Variants in POC1A observed in about 807,000 individuals in gnomAD.
POC1A encodes POC1 centriolar protein homolog A.
POC1A carries 34 observed loss-of-function variants against 47.8 expected under a neutral mutation model. That is an observed-to-expected ratio of 0.71 (90% CI 0.54 to 0.95). POC1A has a LOEUF of 0.95. Among genes scored for constraint, POC1A ranks in the 40% least tolerant of loss-of-function variants. The pLI, the probability that POC1A is intolerant of heterozygous loss-of-function variation, is 0.00. For missense variants in POC1A, 466 were observed against 528.3 expected (o/e 0.88, Z 1.16); for synonymous variants, 177 against 207.6 (o/e 0.85, Z 1.27).
intron 9 of POC1A, among the ~76,000 whole-genome samples, chr3:52,098,742 C>T (rs1294212235): frequency 6.6e-6 from 1 of 152,208 alleles, no homozygotes; most frequent in African/African-American, 2.4e-5. Context: ...CATCAGAAAA[C>T]ACCACAGCAC....
rs189819311 is a variant in POC1A at position 52,151,221 on chromosome 3, T to C, written c.19-121A>G. Reference sequence around the variant, plus strand: ...TAAAAATGCTCAAGGCATGATCTTATATAAAGAAAATCCTAAGGAATCCAC... The same window carrying C: ...TAAAAATGCTCAAGGCATGATCTTACATAAAGAAAATCCTAAGGAATCCAC... On this transcript the variant is annotated intron_variant, in intron 1 of 10. Coordinates refer to ENST00000296484, the MANE Select transcript of POC1A (RefSeq NM_015426.5). 606 of 1,434,592 alleles carry C rather than the reference T, an allele frequency of 4.2e-4. 2 individuals carry two copies. The African/African-American group carries it at 4.4e-3, about 10-fold the overall frequency. 88.9% of individuals were successfully genotyped at this position (1,434,592 alleles called of 1,614,324 possible).
chr3:52,123,256 C>T (rs752407434), intron 8 of POC1A, among the ~76,000 whole-genome samples: 4 of 152,232 alleles, frequency 2.6e-5, no homozygotes, highest in Admixed American at 1.3e-4. Flanking sequence ...CCATGTCCCT[C>T]GGTTCCTTGA....
At chr3:52,103,963 A>G (rs756478492) in intron 9 of POC1A, among the ~76,000 whole-genome samples, 2 of 152,240 alleles carry the variant, frequency 1.3e-5, no homozygotes, top group Non-Finnish European at 2.9e-5. Context: ...TACACCTATT[A>G]TATGTCCCAG....
At chr3:52,095,592 C>A (rs1473768886) in intron 10 of POC1A, among the ~76,000 whole-genome samples, 1 of 152,062 alleles carries the variant, frequency 6.6e-6, no homozygotes, top group Non-Finnish European at 1.5e-5. Context: ...TGCAGCCTCG[C>A]TCTACCCATG....
chr3:52,104,730 A>G (rs1342334867), intron 9 of POC1A, among the ~76,000 whole-genome samples: 1 of 152,220 alleles, frequency 6.6e-6, no homozygotes. Flanking sequence ...TCATAACTCA[A>G]TGCAGTTCAA....
At position 52,090,817 on chromosome 3, in the gene POC1A, GC is replaced by G. The variant is rs1433107426; in HGVS notation, c.1125+5751del. Among the ~76,000 whole-genome samples the G allele has an allele frequency of 6.6e-6, 1 of 151,944 alleles. No homozygotes were observed. Among genetic ancestry groups the G allele is most frequent in the East Asian group, 1.9e-4 (1 of 5,166 alleles). Reference sequence around the variant, plus strand: ...GCAGGCCTAGCAGCCTCGGGGTCCGGCCTAGAGTCCTCCAGGGGTGCTCAGA... The same window carrying G: ...GCAGGCCTAGCAGCCTCGGGGTCCGGCTAGAGTCCTCCAGGGGTGCTCAGA... On this transcript the variant is annotated intron_variant, in intron 10 of 10. Transcript: ENST00000296484. The surrounding 1 kb of genome is among the most constrained non-coding windows in gnomAD (Gnocchi z 4.2).
At chr3:52,077,343 GA>G (rs1189212258) in intron 10 of POC1A, among the ~76,000 whole-genome samples, 2 of 152,246 alleles carry the variant, frequency 1.3e-5, no homozygotes, top group Non-Finnish European at 2.9e-5. Flanking sequence ...ATAAAACATT[GA>G]AACATTTTAG....
At chr3:52,148,256 T>C (rs1425653466) in intron 4 of POC1A, among the ~76,000 whole-genome samples, 2 of 152,164 alleles carry the variant, frequency 1.3e-5, no homozygotes, top group Non-Finnish European at 2.9e-5. Context: ...GACACCCCAG[T>C]TTGCTGGCCT....
intron 9 of POC1A, among the ~76,000 whole-genome samples, chr3:52,114,681 G>T (rs1703499307): frequency 6.6e-6 from 1 of 152,288 alleles, no homozygotes; most frequent in Non-Finnish European, 1.5e-5. Flanking sequence ...TGGGCTCAAA[G>T]TTCCTCCTCT....
intron 5 of POC1A, 54 bp from the exon 6 acceptor site, chr3:52,146,015 G>A (rs904474135): frequency 3.6e-5 from 39 of 1,093,078 alleles, no homozygotes; most frequent in Middle Eastern, 2.0e-4. Context: ...GGTTCAGGAC[G>A]GACCCAGAAA....
intron 7 of POC1A, among the ~76,000 whole-genome samples, chr3:52,125,660 T>C (rs1703970590): frequency 6.6e-6 from 1 of 151,914 alleles, no homozygotes; most frequent in South Asian, 2.1e-4. Context: ...GAAGAGCCAA[T>C]GGCTCAAGCA....
chr3:52,076,389 G>A (rs1702117379), intron 10 of POC1A, among the ~76,000 whole-genome samples: 1 of 152,138 alleles, frequency 6.6e-6, no homozygotes, highest in Admixed American at 6.5e-5. Flanking sequence ...TAAACAACTG[G>A]AGACCATCAA....
chr3:52,125,219 C>A (rs367704833), intron 7 of POC1A, 38 bp from the exon 8 acceptor site: 2 of 1,477,926 alleles, frequency 1.4e-6, no homozygotes, highest in East Asian at 4.5e-5. Flanking sequence ...CATCAAAGGT[C>A]ATTCTCCATT....
At chr3:52,082,972 AAC>A (rs945040439) in intron 10 of POC1A, among the ~76,000 whole-genome samples, 30 of 152,126 alleles carry the variant, frequency 2.0e-4, no homozygotes, top group African/African-American at 6.3e-4. Flanking sequence ...CCGAGATTGG[AAC>A]AGTTGAGCCC....
In POC1A at chr3:52,075,860, C is replaced by G; in HGVS notation, c.*27G>C. ...CCCTGGCCTGCCACCTGCAAATCCACCGAGCTCCTGATTCCTGCTCCCCTG... is the reference window on the plus strand; with the variant it reads ...CCCTGGCCTGCCACCTGCAAATCCAGCGAGCTCCTGATTCCTGCTCCCCTG... On this transcript the variant is annotated 3_prime_UTR_variant, in exon 11 of 11. Transcript: ENST00000296484. The G allele has an allele frequency of 6.4e-7, 1 of 1,561,154 alleles. No individual in the cohort carries two copies. The highest frequency in any genetic ancestry group is 8.8e-7 in the Non-Finnish European group (1 of 1,132,248).
At chr3:52,126,130 CT>C (rs1233964159) in intron 7 of POC1A, among the ~76,000 whole-genome samples, 1 of 152,246 alleles carries the variant, frequency 6.6e-6, no homozygotes, top group East Asian at 1.9e-4. Flanking sequence ...AGCACAGCCA[CT>C]GTCACCAAGT....
rs145273642 is a variant in POC1A at position 52,128,363 on chromosome 3, C to A, written c.814-3182G>T. Among the ~76,000 whole-genome samples the A allele has an allele frequency of 2.4e-3, 373 of 152,270 alleles. 2 individuals are homozygous for A. The highest frequency in any genetic ancestry group is 8.7e-3 in the African/African-American group (361 of 41,540). The stretch of plus-strand genomic sequence containing the variant: ...AGGACCAGAGCGCAGGCACTGGGAG[C>A]CCTGCAGATAAGAAGTGCTAGCGCT... On this transcript the variant is annotated intron_variant, in intron 7 of 10. Coordinates refer to ENST00000296484, the MANE Select transcript of POC1A (RefSeq NM_015426.5).
intron 10 of POC1A, among the ~76,000 whole-genome samples, chr3:52,077,719 C>T (rs968110962): frequency 4.6e-5 from 7 of 152,240 alleles, no homozygotes; most frequent in Non-Finnish European, 1.0e-4. Flanking sequence ...GGGCCAAAAT[C>T]ATTCTTCATC....
intron 6 of POC1A, among the ~76,000 whole-genome samples, chr3:52,139,566 C>A (rs1358162114): frequency 6.6e-6 from 1 of 152,166 alleles, no homozygotes; most frequent in Non-Finnish European, 1.5e-5. Flanking sequence ...CCTCCCCTGG[C>A]CTCCCAATTA....
Sources: allele counts gnomAD v4.1 joint callset (sites outside exome capture counted in the v4.1 genomes callset), GRCh38; gene constraint gnomAD v4.1.1; non-coding constraint Gnocchi (gnomAD v3.1); transcripts MANE v1.5; gene names NCBI Gene and HGNC (gene_info 2026-07-23, HGNC 2026-07-21).